The following TTBK2 variants were observed in gnomAD, a reference collection of about 807,000 sequenced individuals.
TTBK2 encodes tau-tubulin kinase 2.
TTBK2 carries 28 observed loss-of-function variants against 110.8 expected under a neutral mutation model. The ratio of observed to expected loss-of-function variants is 0.25; its 90% CI spans 0.19 to 0.35. TTBK2 has a LOEUF of 0.35. TTBK2 is among the 10% of genes least tolerant of loss of function. The pLI is 1.00. For synonymous variants in TTBK2, 532 were observed against 527.3 expected (o/e 1.01, Z -0.12); for missense variants, 1,369 against 1,500.3 (o/e 0.91, Z 1.45).
chr15:42,853,988 C>T (rs889408601), intron 3 of TTBK2, among the ~76,000 whole-genome samples: 10 of 152,118 alleles, frequency 6.6e-5, no homozygotes, highest in Non-Finnish European at 1.5e-4. Flanking sequence ...CAGGTTGGAA[C>T]ACAGTGGCAT....
At chr15:42,795,216 T>C (rs1004652502) in intron 9 of TTBK2, among the ~76,000 whole-genome samples, 3 of 151,624 alleles carry the variant, frequency 2.0e-5, no homozygotes, top group African/African-American at 7.3e-5. Context: ...ATGTAACGTG[T>C]CTAGGTAAGG....
At chr15:42,765,078 A>G (rs551386117) in intron 13 of TTBK2, among the ~76,000 whole-genome samples, 1 of 152,336 alleles carries the variant, frequency 6.6e-6, no homozygotes, top group Non-Finnish European at 1.5e-5. Context: ...CAGAAAGGAC[A>G]TCCACACCAA....
rs190084910 is a variant in TTBK2 at position 42,898,012 on chromosome 15, A to T, written c.-67-19328T>A. Reference sequence around the variant, plus strand: ...TGAAATCAGCCTGGAAAACTTGGTGAAACTCCATATCTATAAAAAGTATAA... The same window carrying T: ...TGAAATCAGCCTGGAAAACTTGGTGTAACTCCATATCTATAAAAAGTATAA... On this transcript the variant is annotated intron_variant, in intron 1 of 14. Transcript: ENST00000267890. Among the ~76,000 whole-genome samples the T allele has an allele frequency of 2.0e-5, 3 of 152,116 alleles. No individual in the cohort carries two copies. In the East Asian group the frequency reaches 5.8e-4, roughly 29 times the overall value.
At chr15:42,894,872 G>A (rs1009129380) in intron 1 of TTBK2, among the ~76,000 whole-genome samples, 8 of 152,068 alleles carry the variant, frequency 5.3e-5, no homozygotes, top group African/African-American at 9.7e-5. Flanking sequence ...ACCACAATCC[G>A]GTATGGTTTA....
In TTBK2 at chr15:42,746,229, T is replaced by C. The variant is rs1212007314; in HGVS notation, c.3301A>G (p.Ser1101Gly). ...GAGAAAAGGTCTGAGTCGGAGTTACTACTCCCTAGGACTTTATATCTGCGT... is the reference window on the plus strand; with the variant it reads ...GAGAAAAGGTCTGAGTCGGAGTTACCACTCCCTAGGACTTTATATCTGCGT... The part of the protein sequence containing the change: ...RLRRYKVLGS[S>G]NSDSDLFSRL... The change falls in exon 15 of 15, where the codon AGT becomes GGT. Residue 1101 changes from serine (S) to glycine (G), a missense_variant. Transcript: ENST00000267890. 1 of 1,613,802 alleles carries C rather than the reference T, an allele frequency of 6.2e-7. No individual in the cohort carries two copies. The highest frequency in any genetic ancestry group is 1.1e-5 in the South Asian group (1 of 91,060).
intron 11 of TTBK2, 140 bp downstream of exon 11, chr15:42,783,279 T>C: frequency 1.3e-6 from 1 of 766,380 alleles, no homozygotes; most frequent in Non-Finnish European, 2.2e-6. Flanking sequence ...CCTTTCCCCA[T>C]CTACCACATG....
At chr15:42,767,655 G>A (rs566440908) in intron 13 of TTBK2, among the ~76,000 whole-genome samples, 3 of 152,226 alleles carry the variant, frequency 2.0e-5, no homozygotes, top group South Asian at 2.1e-4. Flanking sequence ...AGGACCAGAC[G>A]GATTCATAGC....
At chr15:42,824,976 G>A (rs979819519) in intron 6 of TTBK2, among the ~76,000 whole-genome samples, 3 of 152,096 alleles carry the variant, frequency 2.0e-5, no homozygotes. Flanking sequence ...GCCAGGTACG[G>A]TGGCTCACAC....
Position 42,745,845 on chromosome 15 carries a change from T to A in TTBK2, c.3685A>T (p.Thr1229Ser). ...TTACTCTTCCCTTGGGGGGTTTTAG[T>A]GCTGGCTGAGTGGTGGTGGAGGCTG... Reference protein sequence around the residue: ...SGSLHHHSASTKTPQGKSKPA... With the variant: ...SGSLHHHSASSKTPQGKSKPA... The change falls in exon 15 of 15, where the codon ACT becomes TCT. Residue 1229 changes from threonine to serine, a missense_variant. Transcript: ENST00000267890. The A allele has an allele frequency of 6.2e-7, 1 of 1,614,134 alleles. No individual in the cohort carries two copies. The highest frequency in any genetic ancestry group is 8.5e-7 in the Non-Finnish European group (1 of 1,180,032).
intron 3 of TTBK2, among the ~76,000 whole-genome samples, chr15:42,843,404 T>C (rs770254335): frequency 3.9e-5 from 6 of 152,190 alleles, no homozygotes; most frequent in Non-Finnish European, 8.8e-5. Context: ...CTAGTCATTG[T>C]TTCCTAACTT....
intron 6 of TTBK2, among the ~76,000 whole-genome samples, chr15:42,820,224 T>C (rs1234298034): frequency 6.6e-6 from 1 of 152,230 alleles, no homozygotes; most frequent in Non-Finnish European, 1.5e-5. Context: ...TTATTTAATG[T>C]AGTAAAGACA....
At chr15:42,753,838 T>G (rs564283332) in intron 13 of TTBK2, among the ~76,000 whole-genome samples, 6 of 152,148 alleles carry the variant, frequency 3.9e-5, no homozygotes, top group Non-Finnish European at 7.4e-5. Flanking sequence ...TGCCCATACA[T>G]CTGTAAAAAA....
In TTBK2 at chr15:42,752,461, T is replaced by C; in HGVS notation, c.2785A>G (p.Thr929Ala). Residue 929 changes from threonine to alanine, a missense_variant, in exon 14 of 15, where the codon ACC (threonine) becomes GCC (alanine). By Grantham distance (58) the Thr-to-Ala change is moderately conservative (BLOSUM62 0). This residue lies in a region of TTBK2 where 1,097 missense variants were observed against 1,114.7 expected (regional missense o/e 0.98). Coordinates refer to ENST00000267890, the MANE Select transcript of TTBK2 (RefSeq NM_173500.4). ...CVSENEHGAP[T>A]RKDMVRSSFV... ...GATGACCTAACCATATCCTTCCGGGTTGGGGCACCATGTTCATTCTCTGAA... is the reference window on the plus strand; with the variant it reads ...GATGACCTAACCATATCCTTCCGGGCTGGGGCACCATGTTCATTCTCTGAA... 2 of 1,614,178 alleles carry C rather than the reference T, an allele frequency of 1.2e-6. No homozygotes were observed. Among genetic ancestry groups the C allele is most frequent in the Non-Finnish European group, 1.7e-6 (2 of 1,180,016 alleles).
chr15:42,909,426 A>G (rs1286109232), intron 1 of TTBK2, among the ~76,000 whole-genome samples: 1 of 152,176 alleles, frequency 6.6e-6, no homozygotes, highest in Admixed American at 6.5e-5. Flanking sequence ...CTGACAAAGT[A>G]TATGCCTCCC....
At chr15:42,864,643 C>T (rs1894293385) in intron 3 of TTBK2, among the ~76,000 whole-genome samples, 1 of 151,890 alleles carries the variant, frequency 6.6e-6, no homozygotes, top group South Asian at 2.1e-4. Context: ...TTCTGTACCC[C>T]CCAAAATTAT....
At position 42,775,119 on chromosome 15, in the gene TTBK2, A is replaced by G. The variant is rs1459692903; in HGVS notation, c.1998+16T>C. On this transcript the variant is annotated intron_variant, in intron 13 of 14. Coordinates refer to ENST00000267890, the MANE Select transcript of TTBK2 (RefSeq NM_173500.4). Reference sequence around the variant, plus strand: ...GAGTGGATAACAGAGAATAATAATAAAAACAAATTTCTTACCGCTGTAAGG... The same window carrying G: ...GAGTGGATAACAGAGAATAATAATAGAAACAAATTTCTTACCGCTGTAAGG... 1 of 1,609,820 alleles carries G rather than the reference A, an allele frequency of 6.2e-7. No individual in the cohort carries two copies. Among genetic ancestry groups the G allele is most frequent in the Non-Finnish European group, 8.5e-7 (1 of 1,179,490 alleles).
chr15:42,745,833 G>A lies in TTBK2; in HGVS notation c.3697C>T (p.Gln1233Ter), dbSNP rs904618809. The change falls in exon 15 of 15, where the codon CAA (glutamine) becomes TAA (stop). Residue 1233 changes from glutamine (Q) to a stop codon, truncating the protein, a stop_gained. Coordinates refer to ENST00000267890, the MANE Select transcript of TTBK2 (RefSeq NM_173500.4). LOFTEE classifies it high-confidence loss of function. Reference protein sequence around the residue: ...HHHSASTKTPQGKSKPASKLS... With the variant: ...HHHSASTKTP ...TTACTGGCTGGCTTACTCTTCCCTT[G>A]GGGGGTTTTAGTGCTGGCTGAGTGG... The A allele has an allele frequency of 3.7e-6, 6 of 1,614,096 alleles. No homozygotes were observed. The East Asian group carries it at 1.3e-4, about 36-fold the overall frequency.
intron 7 of TTBK2, 52 bp downstream of exon 7, chr15:42,816,980 A>T: frequency 8.2e-7 from 1 of 1,216,446 alleles, no homozygotes; most frequent in South Asian, 1.8e-5. Context: ...AGTCAATCTG[A>T]TTTAAGCTAT....
At chr15:42,822,954 G>A (rs559618600) in intron 6 of TTBK2, among the ~76,000 whole-genome samples, 1 of 152,294 alleles carries the variant, frequency 6.6e-6, no homozygotes, top group Admixed American at 6.5e-5. Flanking sequence ...AATGACTCTA[G>A]GAATGAGCCC....
Sources: gnomAD v4.1 joint callset for allele counts (sites outside exome capture counted in the v4.1 genomes callset) on GRCh38, gnomAD v4.1.1 for gene constraint, gnomAD v4.1.1 regional missense constraint, MANE v1.5 for transcripts, NCBI Gene and HGNC (gene_info 2026-07-23, HGNC 2026-07-21) for gene names.